Variants in VEGFC observed in about 807,000 individuals in gnomAD.
The protein encoded by VEGFC is FLT4 ligand DHM.
Under a neutral mutation model 46.1 loss-of-function variants are expected in VEGFC, and 12 were observed. The ratio of observed to expected loss-of-function variants is 0.26; its 90% confidence interval spans 0.17 to 0.42. The LOEUF is 0.42. VEGFC is among the 10% of genes least tolerant of loss of function. VEGFC has a pLI of 1.00. For synonymous variants in VEGFC, 232 were observed against 195.5 expected (o/e 1.19, Z -1.56); for missense variants, 488 against 529.4 (o/e 0.92, Z 0.77).
At chr4:176,785,309 C>T (rs1735982834) in intron 1 of VEGFC, among the ~76,000 whole-genome samples, 1 of 152,144 alleles carries the variant, frequency 6.6e-6, no homozygotes, top group Non-Finnish European at 1.5e-5. Context: ...TACATCTTTC[C>T]ACCTGTCCAA....
chr4:176,763,161 T>C (rs1248706250), intron 1 of VEGFC, among the ~76,000 whole-genome samples: 1 of 152,248 alleles, frequency 6.6e-6, no homozygotes, highest in African/African-American at 2.4e-5. Flanking sequence ...ATTTATAGTG[T>C]CCACAGGTGC....
At chr4:176,698,981 C>T (rs1734376321) in intron 4 of VEGFC, among the ~76,000 whole-genome samples, 1 of 152,144 alleles carries the variant, frequency 6.6e-6, no homozygotes, top group South Asian at 2.1e-4. Flanking sequence ...TCTTAAAATA[C>T]TTCACAGATC....
intron 1 of VEGFC, among the ~76,000 whole-genome samples, chr4:176,738,666 C>G (rs1186848225): frequency 6.6e-6 from 1 of 151,958 alleles, no homozygotes; most frequent in African/African-American, 2.4e-5. Flanking sequence ...ACGAAGACGC[C>G]AAAAGCGATT....
intron 6 of VEGFC, 37 bp from the exon 7 acceptor site, chr4:176,684,077 T>C: frequency 6.9e-7 from 1 of 1,451,704 alleles, no homozygotes; most frequent in Non-Finnish European, 9.7e-7. Context: ...ACGTTAAAGA[T>C]CAAGGCAATG....
intron 4 of VEGFC, chr4:176,706,270 CTG>C (rs1185325898): frequency 1.0e-4 from 12 of 119,468 alleles, no homozygotes; most frequent in African/African-American, 3.6e-4. Context: ...TTTTGGATGA[CTG>C]TGGGAAATCT....
chr4:176,763,695 A>T lies in VEGFC; in HGVS notation c.147+28470T>A, dbSNP rs1735569117. ...CACTGGAAGTAAAGTAAATATTATT[A>T]CTACTTTCAGAAATGCATGATTTAA... On this transcript the variant is annotated intron_variant, in intron 1 of 6. Coordinates refer to ENST00000618562, the MANE Select transcript of VEGFC (RefSeq NM_005429.5). Among the ~76,000 whole-genome samples the T allele has an allele frequency of 2.6e-5, 4 of 152,192 alleles. No homozygotes were observed. The South Asian group carries it at 8.3e-4, about 31-fold the overall frequency.
At chr4:176,692,700 G>T (rs1355321660) in intron 4 of VEGFC, among the ~76,000 whole-genome samples, 1 of 149,236 alleles carries the variant, frequency 6.7e-6, no homozygotes, top group Non-Finnish European at 1.5e-5. Flanking sequence ...AAAGACAGAA[G>T]TAACTTCTGC....
chr4:176,754,739 G>A (rs1735403888), intron 1 of VEGFC, among the ~76,000 whole-genome samples: 1 of 152,018 alleles, frequency 6.6e-6, no homozygotes, highest in Admixed American at 6.6e-5. Flanking sequence ...GGAGTAGGTT[G>A]TGGACATCTT....
intron 1 of VEGFC, among the ~76,000 whole-genome samples, chr4:176,741,475 T>C (rs975936427): frequency 1.3e-5 from 2 of 151,934 alleles, no homozygotes; most frequent in African/African-American, 4.8e-5. Context: ...GTCATAGCAA[T>C]TGGGAAACTG....
At position 176,697,430 on chromosome 4, in the gene VEGFC, A is replaced by G. The variant is rs138878143; in HGVS notation, c.705-9503T>C. ...CAGAGAAATGCAAATCAAAACTACA[A>G]TGAGATACCATCTCACACCACGTAG... On this transcript the variant is annotated intron_variant, in intron 4 of 6. Coordinates refer to ENST00000618562, the MANE Select transcript of VEGFC (RefSeq NM_005429.5). 3.7e-3 allele frequency among the ~76,000 whole-genome samples: 562 copies of G among 152,328 alleles called. 5 individuals carry two copies. Among genetic ancestry groups the G allele is most frequent in the Middle Eastern group, 0.031 (9 of 294 alleles).
At chr4:176,773,619 AG>A (rs1325570527) in intron 1 of VEGFC, among the ~76,000 whole-genome samples, 16 of 152,290 alleles carry the variant, frequency 1.1e-4, no homozygotes, top group Non-Finnish European at 4.4e-5. Flanking sequence ...GGCAAATAGT[AG>A]AGAGGTTAAA....
chr4:176,740,266 CTA>C (rs1258156021), intron 1 of VEGFC, among the ~76,000 whole-genome samples: 40 of 113,990 alleles, frequency 3.5e-4, no homozygotes, highest in South Asian at 7.4e-4. Flanking sequence ...ATATATATAA[CTA>C]TATATTCTCT....
At chr4:176,711,088 T>C (rs1734612620) in intron 4 of VEGFC, among the ~76,000 whole-genome samples, 1 of 152,114 alleles carries the variant, frequency 6.6e-6, no homozygotes, top group Non-Finnish European at 1.5e-5. Flanking sequence ...TGAATGCTAA[T>C]AGATATAAAA....
intron 4 of VEGFC, among the ~76,000 whole-genome samples, chr4:176,704,986 T>C (rs1178544174): frequency 6.6e-6 from 1 of 152,158 alleles, no homozygotes; most frequent in East Asian, 1.9e-4. Context: ...AACCACCTTA[T>C]TAGTATCTAG....
At chr4:176,737,898 T>C (rs1372081103) in intron 1 of VEGFC, among the ~76,000 whole-genome samples, 2 of 151,910 alleles carry the variant, frequency 1.3e-5, no homozygotes, top group African/African-American at 4.8e-5. Context: ...ATTCTTCAGT[T>C]GCTGAATAAA....
At chr4:176,697,053 C>T (rs1734328625) in intron 4 of VEGFC, among the ~76,000 whole-genome samples, 1 of 151,820 alleles carries the variant, frequency 6.6e-6, no homozygotes, top group East Asian at 1.9e-4. Context: ...CTAGGCATTA[C>T]CATTCAGGAC....
intron 1 of VEGFC, among the ~76,000 whole-genome samples, chr4:176,758,605 G>A (rs1466986093): frequency 1.3e-5 from 2 of 152,056 alleles, no homozygotes; most frequent in Non-Finnish European, 2.9e-5. Flanking sequence ...TTCCCAAATC[G>A]ACAGCTTTCT....
chr4:176,789,834 T>C (rs1199818336), intron 1 of VEGFC, among the ~76,000 whole-genome samples: 1 of 152,220 alleles, frequency 6.6e-6, no homozygotes, highest in African/African-American at 2.4e-5. Context: ...AAGGGCTGGA[T>C]GGCTAACCTT....
intron 1 of VEGFC, among the ~76,000 whole-genome samples, chr4:176,738,500 T>A (rs912516496): frequency 1.3e-5 from 2 of 152,080 alleles, no homozygotes; most frequent in Non-Finnish European, 2.9e-5. Context: ...GCTAGCCACA[T>A]GCAGAAAATT....
Sources: gnomAD v4.1 joint callset for allele counts (sites outside exome capture counted in the v4.1 genomes callset) on GRCh38, gnomAD v4.1.1 for gene constraint, MANE v1.5 for transcripts, NCBI Gene and HGNC (gene_info 2026-07-23, HGNC 2026-07-21) for gene names.